The following PMFBP1 variants were observed in gnomAD, a reference collection of about 807,000 sequenced individuals.
The protein encoded by PMFBP1 is polyamine modulated factor 1 binding protein 1.
PMFBP1 carries 131 observed loss-of-function variants against 137.8 expected under a neutral mutation model. The observed-to-expected ratio is 0.95, with a 90% CI of 0.82 to 1.10. The LOEUF (loss-of-function observed/expected upper bound fraction) is 1.10. Among genes scored for constraint, PMFBP1 ranks in the 50% least tolerant of loss-of-function variants. PMFBP1 has a pLI of 0.00. For missense variants in PMFBP1, 1,199 were observed against 1,175.4 expected (o/e 1.02, Z -0.29); for synonymous variants, 490 against 450.4 (o/e 1.09, Z -1.11).
the PMFBP1 span, among the ~76,000 whole-genome samples, chr16:72,208,626 G>T: frequency 1.3e-5 from 2 of 152,356 alleles, no homozygotes; most frequent in Admixed American, 6.5e-5. Context: ...AATCTAAAAT[G>T]TGCTGTGGAT....
the PMFBP1 span, among the ~76,000 whole-genome samples, chr16:72,201,198 G>A: frequency 6.6e-6 from 1 of 152,112 alleles, no homozygotes; most frequent in Non-Finnish European, 1.5e-5. Context: ...GGGTCTGATG[G>A]GAAAGCTAAA....
At chr16:72,187,501 G>A in the PMFBP1 span, among the ~76,000 whole-genome samples, 1 of 152,190 alleles carries the variant, frequency 6.6e-6, no homozygotes. Flanking sequence ...GAGCAAAGGT[G>A]AGATGATGGT....
Position 72,122,956 on chromosome 16 carries a change from C to T in PMFBP1, c.2726G>A (p.Arg909Gln), listed in dbSNP as rs151186932. ...CTTGGCAATGTATTTCACCTGCTCT[C>T]GGAGCTGGTTTCCTAGTTTCTCATT... ...VANEKLGNQL[R>Q]EQVKYIAKLS... The change falls in exon 19 of 21, where the codon CGA becomes CAA. Residue 909 changes from arginine (R) to glutamine (Q), a missense_variant. Physicochemically the swap from Arg to Gln is conservative, Grantham distance 43 (BLOSUM62 1). Transcript: ENST00000237353. The T allele has an allele frequency of 3.5e-5, 56 of 1,613,290 alleles. No homozygotes were observed. The highest frequency in any genetic ancestry group is 1.1e-4 in the African/African-American group (8 of 74,918).
intron 5 of PMFBP1, among the ~76,000 whole-genome samples, chr16:72,145,073 T>C (rs957403365): frequency 6.6e-6 from 1 of 152,178 alleles, no homozygotes; most frequent in African/African-American, 2.4e-5. Context: ...ATCAACAGAA[T>C]ATACATTCTT....
intron 2 of PMFBP1, among the ~76,000 whole-genome samples, chr16:72,170,639 C>A (rs2043207987): frequency 6.6e-6 from 1 of 151,982 alleles, no homozygotes; most frequent in Non-Finnish European, 1.5e-5. Context: ...ACCATGTTGC[C>A]CAGGCTGGTC....
At chr16:72,119,818 C>T (rs758086107) in intron 20 of PMFBP1, 33 bp downstream of exon 20, 1 of 1,602,522 alleles carries the variant, frequency 6.2e-7, no homozygotes, top group South Asian at 1.1e-5. Flanking sequence ...AGAAAAAAAT[C>T]ACACTTATTT....
intron 14 of PMFBP1, among the ~76,000 whole-genome samples, chr16:72,126,392 T>C (rs2042459449): frequency 6.6e-6 from 1 of 152,242 alleles, no homozygotes; most frequent in Non-Finnish European, 1.5e-5. Flanking sequence ...TGCTGGGGCA[T>C]GATATGCCAA....
chr16:72,178,587 G>A (rs1407934372), upstream of PMFBP1, among the ~76,000 whole-genome samples: 4 of 152,114 alleles, frequency 2.6e-5, no homozygotes, highest in Admixed American at 2.0e-4. Context: ...ACATCACTAT[G>A]AACTCATGGA....
intron 3 of PMFBP1, 24 bp from the exon 4 acceptor site, chr16:72,154,483 A>G: frequency 6.2e-7 from 1 of 1,608,086 alleles, no homozygotes; most frequent in Non-Finnish European, 8.5e-7. Flanking sequence ...AGGATATACA[A>G]AAAAGGCTTT....
the PMFBP1 span, among the ~76,000 whole-genome samples, chr16:72,206,247 A>C: frequency 6.6e-6 from 1 of 152,096 alleles, no homozygotes; most frequent in East Asian, 1.9e-4. Context: ...GGTTGGTGAG[A>C]AGTTGAAATG....
intron 7 of PMFBP1, among the ~76,000 whole-genome samples, chr16:72,139,085 T>G (rs1338416818): frequency 6.6e-6 from 1 of 152,208 alleles, no homozygotes; most frequent in Non-Finnish European, 1.5e-5. Context: ...AAGAGACAGG[T>G]GCAGTTCCAA....
chr16:72,238,405 T>C, the PMFBP1 span, among the ~76,000 whole-genome samples: 1 of 152,260 alleles, frequency 6.6e-6, no homozygotes, highest in Non-Finnish European at 1.5e-5. Flanking sequence ...TGATCAGCAA[T>C]GTTGACTTTT....
intron 14 of PMFBP1, among the ~76,000 whole-genome samples, chr16:72,126,647 A>G (rs1432973719): frequency 1.3e-5 from 2 of 152,200 alleles, no homozygotes; most frequent in African/African-American, 4.8e-5. Context: ...ATGCTCAAAA[A>G]TGGTCTTTGT....
the PMFBP1 span, among the ~76,000 whole-genome samples, chr16:72,236,435 G>C: frequency 1.6e-4 from 25 of 152,302 alleles, no homozygotes; most frequent in East Asian, 4.8e-3. Flanking sequence ...TAGTTTGTAA[G>C]TGGGATTGAA....
At chr16:72,164,331 A>G in intron 3 of PMFBP1, 1 of 1,083,386 alleles carries the variant, frequency 9.2e-7, no homozygotes, top group Non-Finnish European at 1.2e-6. Flanking sequence ...ACGCAGGTGC[A>G]GCAATAAAGA....
chr16:72,130,746 T>C (rs1438749441), intron 10 of PMFBP1, 24 bp from the exon 11 acceptor site: 18 of 1,593,422 alleles, frequency 1.1e-5, no homozygotes, highest in East Asian at 6.7e-5. Context: ...GAGATGGCCA[T>C]GTGAGAAGGG....
chr16:72,131,889 A>G (rs907558222), intron 10 of PMFBP1, among the ~76,000 whole-genome samples: 7 of 152,204 alleles, frequency 4.6e-5, no homozygotes, highest in African/African-American at 1.4e-4. Flanking sequence ...TCTATTGCCC[A>G]GTCTGGAGTG....
the PMFBP1 span, among the ~76,000 whole-genome samples, chr16:72,186,669 A>G: frequency 1.6e-4 from 25 of 152,364 alleles, no homozygotes; most frequent in East Asian, 4.8e-3. Flanking sequence ...AAAGCTAGAC[A>G]GGAGTTAGGA....
At chr16:72,124,014 TTC>T (rs2042415431) in intron 17 of PMFBP1, among the ~76,000 whole-genome samples, 1 of 152,212 alleles carries the variant, frequency 6.6e-6, no homozygotes, top group African/African-American at 2.4e-5. Flanking sequence ...TGCCTTCTTT[TTC>T]TCTCTTCTTT....
Sources: gnomAD v4.1 joint callset for allele counts (sites outside exome capture counted in the v4.1 genomes callset) on GRCh38, gnomAD v4.1.1 for gene constraint, MANE v1.5 for transcripts, NCBI Gene and HGNC (gene_info 2026-07-23, HGNC 2026-07-21) for gene names.